Variants in SCARA3 observed in about 807,000 individuals in gnomAD.
The protein encoded by SCARA3 is scavenger receptor class A member 3.
Under a neutral mutation model 47.0 loss-of-function variants are expected in SCARA3, and 39 were observed. The ratio of observed to expected loss-of-function variants is 0.83; its 90% CI spans 0.64 to 1.08. The LOEUF is 1.08. Ranked by LOEUF, SCARA3 falls within the 50% of genes least tolerant of loss-of-function variation. The pLI, the probability that SCARA3 is intolerant of heterozygous loss-of-function variation, is 0.00. For synonymous variants in SCARA3, 356 were observed against 334.1 expected (o/e 1.07, Z -0.71); for missense variants, 724 against 792.3 (o/e 0.91, Z 1.04).
the SCARA3 span, among the ~76,000 whole-genome samples, chr8:27,715,425 A>G: frequency 2.0e-5 from 3 of 152,138 alleles, no homozygotes; most frequent in East Asian, 5.8e-4. This position sits in a 1 kb window ranked among gnomAD's most constrained non-coding sequence, Gnocchi z 4.2. Context: ...GATACCTTGC[A>G]CTGGGCTGCC....
At chr8:27,661,610 T>A (rs112848084) in intron 5 of SCARA3, among the ~76,000 whole-genome samples, 1 of 152,268 alleles carries the variant, frequency 6.6e-6, no homozygotes, top group East Asian at 1.9e-4. Context: ...CAGTAAAATA[T>A]AAGGAGGACA....
chr8:27,732,018 G>A, the SCARA3 span, among the ~76,000 whole-genome samples: 4 of 152,196 alleles, frequency 2.6e-5, no homozygotes, highest in African/African-American at 4.8e-5. Flanking sequence ...GAAAGATCCC[G>A]GTTCTCTTCT....
intron 1 of SCARA3, among the ~76,000 whole-genome samples, chr8:27,636,301 G>A (rs958862932): frequency 3.3e-5 from 5 of 152,198 alleles, no homozygotes; most frequent in Admixed American, 3.3e-4. Flanking sequence ...GCAGGGTGTG[G>A]TGGCAGATAC....
chr8:27,720,397 T>G, the SCARA3 span, among the ~76,000 whole-genome samples: 7 of 152,118 alleles, frequency 4.6e-5, no homozygotes, highest in African/African-American at 1.4e-4. Flanking sequence ...GAAGGGGCTG[T>G]GTAAGTCAGG....
chr8:27,729,501 G>T, the SCARA3 span, among the ~76,000 whole-genome samples: 3 of 152,146 alleles, frequency 2.0e-5, no homozygotes, highest in Non-Finnish European at 1.5e-5. Context: ...ACATAGAAAA[G>T]GAGCAGAGGC....
At chr8:27,694,732 G>A in the SCARA3 span, among the ~76,000 whole-genome samples, 25 of 152,230 alleles carry the variant, frequency 1.6e-4, no homozygotes, top group African/African-American at 4.3e-4. Flanking sequence ...TGTGAACTTG[G>A]CCCATCCAGG....
At chr8:27,697,291 T>C in the SCARA3 span, 1 of 219,148 alleles carries the variant, frequency 4.6e-6, no homozygotes, top group South Asian at 7.9e-5. Flanking sequence ...GCCCATGTCA[T>C]CTAAATTCTC....
At chr8:27,721,204 A>G in the SCARA3 span, among the ~76,000 whole-genome samples, 37 of 152,274 alleles carry the variant, frequency 2.4e-4, 1 homozygote, top group Middle Eastern at 3.4e-3. Context: ...CATCAAATGC[A>G]ATAAAATTTA....
In SCARA3 at chr8:27,659,461, C is replaced by G. The variant is rs746408749; in HGVS notation, c.1291C>G (p.Leu431Val). ...SARLDLNVRN[L>V]SMIVEEMKAV... is the part of the protein sequence containing the mutation. ...CCGGCTGGACCTCAACGTCCGGAAC[C>G]TCTCCATGATCGTGGAGGAGATGAA... The change falls in exon 5 of 6, where the codon CTC becomes GTC. Residue 431 changes from leucine (L) to valine (V), a missense_variant. Transcript: ENST00000301904. 1 of 1,614,052 alleles carries G rather than the reference C, an allele frequency of 6.2e-7. No homozygotes were observed. The highest frequency in any genetic ancestry group is 2.2e-5 in the East Asian group (1 of 44,872).
At chr8:27,654,796 A>G (rs1423669248) in intron 3 of SCARA3, among the ~76,000 whole-genome samples, 2 of 142,592 alleles carry the variant, frequency 1.4e-5, no homozygotes, top group Non-Finnish European at 3.1e-5. Context: ...TCACAAAAAA[A>G]AAAAAAGAAA....
intron 5 of SCARA3, among the ~76,000 whole-genome samples, chr8:27,666,806 T>A (rs1304210732): frequency 6.6e-6 from 1 of 152,050 alleles, no homozygotes; most frequent in African/African-American, 2.4e-5. Flanking sequence ...CACTGGGCAC[T>A]CTGCTCACCC....
chr8:27,711,316 T>C, the SCARA3 span, among the ~76,000 whole-genome samples: 1 of 152,216 alleles, frequency 6.6e-6, no homozygotes, highest in African/African-American at 2.4e-5. Context: ...GATTCTGGTA[T>C]TGCATCTTCA....
At chr8:27,697,318 G>GAGGCCTCTGAGCAGGCGTCCC in the SCARA3 span, 2 of 213,100 alleles carry the variant, frequency 9.4e-6, no homozygotes, top group African/African-American at 4.6e-5. Context: ...AAGCATCACT[G>GAGGCCTCTGAGCAGGCGTCCC]AGGCCTCTGA....
chr8:27,727,203 C>A, the SCARA3 span, among the ~76,000 whole-genome samples: 1 of 150,096 alleles, frequency 6.7e-6, no homozygotes, highest in African/African-American at 2.5e-5. Context: ...TGAGCCACAG[C>A]ACCTGGCTCA....
chr8:27,645,540 C>T (rs1021556684), intron 1 of SCARA3, among the ~76,000 whole-genome samples: 2 of 152,240 alleles, frequency 1.3e-5, no homozygotes, highest in African/African-American at 2.4e-5. Flanking sequence ...TGGATTCTGC[C>T]TCAGATTCTT....
At chr8:27,690,253 G>T in the SCARA3 span, among the ~76,000 whole-genome samples, 1 of 152,050 alleles carries the variant, frequency 6.6e-6, no homozygotes, top group Non-Finnish European at 1.5e-5. Context: ...GAGTCCACAG[G>T]CCAGCCCCAC....
At chr8:27,636,790 C>A (rs1229406292) in intron 1 of SCARA3, among the ~76,000 whole-genome samples, 1 of 152,222 alleles carries the variant, frequency 6.6e-6, no homozygotes, top group Non-Finnish European at 1.5e-5. Context: ...TGGGGGCTGA[C>A]TTCCAGCACT....
intron 1 of SCARA3, among the ~76,000 whole-genome samples, chr8:27,644,928 AC>A (rs34884151): frequency 1.3e-5 from 2 of 151,812 alleles, no homozygotes; most frequent in East Asian, 1.9e-4. Context: ...GAAAAACACG[AC>A]CCCCCCAAAC....
At chr8:27,633,481 C>A (rs941029893), upstream of SCARA3, among the ~76,000 whole-genome samples, 2 of 133,870 alleles carry the variant, frequency 1.5e-5, no homozygotes, top group Non-Finnish European at 3.4e-5. Flanking sequence ...CCCAGGCCCT[C>A]GACATCATAA....
Sources: gnomAD v4.1 joint callset for allele counts (sites outside exome capture counted in the v4.1 genomes callset) on GRCh38, gnomAD v4.1.1 for gene constraint, Gnocchi (gnomAD v3.1) non-coding constraint, MANE v1.5 for transcripts, NCBI Gene and HGNC (gene_info 2026-07-23, HGNC 2026-07-21) for gene names.